SCAPER: variants seen among roughly 807,000 people sequenced by gnomAD.
SCAPER encodes S phase cyclin A-associated protein in the endoplasmic reticulum.
In SCAPER, 98 loss-of-function variants were observed where a neutral mutation model predicts 182.2. The observed-to-expected ratio is 0.54, with a 90% CI of 0.46 to 0.64. SCAPER has a LOEUF of 0.64. Among genes scored for constraint, SCAPER ranks in the 30% least tolerant of loss-of-function variants. The probability of loss-of-function intolerance (pLI) is 0.00; values close to 1 mark genes in which losing one functional copy is unlikely to be tolerated. For missense variants in SCAPER, 1,432 were observed against 1,690.0 expected, an observed-to-expected ratio of 0.85 and a Z score of 2.68; for synonymous variants, 605 against 564.6, an observed-to-expected ratio of 1.07 and a Z score of -1.01.
At chr15:76,644,894 C>T (rs1458290423) in intron 21 of SCAPER, among the ~76,000 whole-genome samples, 1 of 151,854 alleles carries the variant, frequency 6.6e-6, no homozygotes, top group Non-Finnish European at 1.5e-5. Flanking sequence ...TAGTCTTTTT[C>T]TCTGTGCACA....
At chr15:76,606,037 C>G (rs2050362820) in intron 22 of SCAPER, among the ~76,000 whole-genome samples, 1 of 152,060 alleles carries the variant, frequency 6.6e-6, no homozygotes, top group Admixed American at 6.6e-5. Context: ...CTGCAATGAT[C>G]TTAGTTATTT....
At chr15:76,481,906 G>C (rs1171451314) in intron 24 of SCAPER, among the ~76,000 whole-genome samples, 1 of 152,032 alleles carries the variant, frequency 6.6e-6, no homozygotes, top group African/African-American at 2.4e-5. Flanking sequence ...TTACAATTTT[G>C]CTGCCTGCAT....
At chr15:76,512,231 C>T (rs1449892291) in intron 23 of SCAPER, among the ~76,000 whole-genome samples, 1 of 151,958 alleles carries the variant, frequency 6.6e-6, no homozygotes, top group Non-Finnish European at 1.5e-5. Flanking sequence ...ACAATAATTT[C>T]TCTAGTATGA....
At chr15:76,452,749 A>G (rs759000914) in intron 25 of SCAPER, among the ~76,000 whole-genome samples, 1 of 152,224 alleles carries the variant, frequency 6.6e-6, no homozygotes, top group African/African-American at 2.4e-5. Context: ...CCAGGTTTCC[A>G]AAACTTTTAT....
intron 26 of SCAPER, among the ~76,000 whole-genome samples, chr15:76,428,866 C>CCATATATATATATATA (rs1555432006): frequency 7.5e-5 from 6 of 79,954 alleles, no homozygotes; most frequent in African/African-American, 3.3e-4. Context: ...GATCATTATA[C>CCATATATATATATATA]TATATATATA....
Position 76,504,919 on chromosome 15 carries a change from T to G in SCAPER, c.2894A>C (p.His965Pro). The G allele has an allele frequency of 6.2e-7, 1 of 1,613,064 alleles. No individual in the cohort carries two copies. Among genetic ancestry groups the G allele is most frequent in the Non-Finnish European group, 8.5e-7 (1 of 1,179,618 alleles). ...GGCTGGGACTACTGCTTGAAGGATG[T>G]GTTCAAGGGCTGTTAATCCACCAGC... ...QAAGGLTALE[H>P]ILQAVVPATN... is the part of the protein sequence containing the mutation. The change falls in exon 24 of 32, where the codon CAC becomes CCC. Residue 965 changes from histidine to proline, a missense_variant. This residue lies in a region of SCAPER where 718 missense variants were observed against 799.7 expected (regional missense o/e 0.90). Transcript: ENST00000563290.
At chr15:76,578,252 T>A (rs1308856674) in intron 22 of SCAPER, among the ~76,000 whole-genome samples, 1 of 152,164 alleles carries the variant, frequency 6.6e-6, no homozygotes, top group Admixed American at 6.5e-5. Context: ...ATGGCATATC[T>A]GGACCTGCTC....
At chr15:76,520,643 C>A (rs1372028580) in intron 23 of SCAPER, among the ~76,000 whole-genome samples, 1 of 152,048 alleles carries the variant, frequency 6.6e-6, no homozygotes, top group Non-Finnish European at 1.5e-5. Flanking sequence ...CCTCTAAGTA[C>A]TCTCCTAAGT....
intron 5 of SCAPER, 62 bp downstream of exon 5, chr15:76,841,672 A>G: frequency 2.0e-6 from 3 of 1,534,878 alleles, no homozygotes; most frequent in South Asian, 2.4e-5. Flanking sequence ...ATCAAGTCAC[A>G]TGTAGCAAAA....
chr15:76,364,651 C>A (rs973817654), intron 29 of SCAPER, among the ~76,000 whole-genome samples: 3 of 152,152 alleles, frequency 2.0e-5, no homozygotes, highest in Non-Finnish European at 4.4e-5. Context: ...CCTCAAACAT[C>A]ATTCTATTCC....
intron 26 of SCAPER, among the ~76,000 whole-genome samples, chr15:76,419,893 A>G (rs2045909107): frequency 6.6e-6 from 1 of 152,222 alleles, no homozygotes; most frequent in Non-Finnish European, 1.5e-5. Context: ...TCTCAACAAG[A>G]TACTAACAAA....
chr15:76,641,582 C>G (rs1040183828), intron 21 of SCAPER, among the ~76,000 whole-genome samples: 4 of 152,054 alleles, frequency 2.6e-5, no homozygotes, highest in African/African-American at 9.7e-5. Flanking sequence ...TGGCCAGATC[C>G]CGCAATACCA....
intron 21 of SCAPER, among the ~76,000 whole-genome samples, chr15:76,651,611 A>G (rs1466707856): frequency 6.6e-6 from 1 of 151,308 alleles, no homozygotes; most frequent in Non-Finnish European, 1.5e-5. Context: ...TTAAATTAGT[A>G]ACAAAGAACC....
At chr15:76,732,500 C>CACCAG (rs2060974109) in intron 16 of SCAPER, among the ~76,000 whole-genome samples, 1 of 150,006 alleles carries the variant, frequency 6.7e-6, no homozygotes, top group South Asian at 2.2e-4. Flanking sequence ...TATGCCCAGA[C>CACCAG]AGGGCCACCA....
chr15:76,729,833 G>C (rs1056037879), intron 16 of SCAPER, among the ~76,000 whole-genome samples: 1 of 151,742 alleles, frequency 6.6e-6, no homozygotes, highest in African/African-American at 2.4e-5. Context: ...ATGAAAACTG[G>C]GTAACTTCAA....
chr15:76,744,017 C>A (rs1032780434), intron 15 of SCAPER, among the ~76,000 whole-genome samples: 12 of 151,962 alleles, frequency 7.9e-5, no homozygotes, highest in Admixed American at 1.3e-4. Context: ...TCAACAAGGT[C>A]AACAAAAACA....
intron 24 of SCAPER, among the ~76,000 whole-genome samples, chr15:76,476,616 T>C (rs1347375273): frequency 8.0e-5 from 11 of 137,012 alleles, no homozygotes; most frequent in Non-Finnish European, 4.7e-5. Context: ...TTTTTTTTTT[T>C]TTTTTTTGTA....
chr15:76,415,268 G>C (rs768451371), intron 26 of SCAPER, among the ~76,000 whole-genome samples: 1 of 152,026 alleles, frequency 6.6e-6, no homozygotes, highest in Non-Finnish European at 1.5e-5. Context: ...AACTTTTTTG[G>C]TATTTGGTAT....
At chr15:76,441,474 C>A (rs975272862) in intron 25 of SCAPER, among the ~76,000 whole-genome samples, 3 of 152,168 alleles carry the variant, frequency 2.0e-5, no homozygotes, top group Non-Finnish European at 4.4e-5. Flanking sequence ...CCTGGTATCT[C>A]ATTTCCTGCA....
Sources: gnomAD v4.1 joint callset for allele counts (sites outside exome capture counted in the v4.1 genomes callset) on GRCh38, gnomAD v4.1.1 for gene constraint, gnomAD v4.1.1 regional missense constraint, MANE v1.5 for transcripts, NCBI Gene and HGNC (gene_info 2026-07-23, HGNC 2026-07-21) for gene names.